KCNN2: variants seen among roughly 807,000 people sequenced by gnomAD.
KCNN2 encodes the protein potassium calcium-activated channel subfamily N member 2.
KCNN2 carries 24 observed loss-of-function variants against 55.5 expected under a neutral mutation model. The observed-to-expected ratio is 0.43, with a 90% CI of 0.31 to 0.61. KCNN2 has a LOEUF of 0.61. Among genes scored for constraint, KCNN2 ranks in the 20% least tolerant of loss-of-function variants. The pLI is 0.08. For missense variants in KCNN2, 754 were observed against 853.6 expected (o/e 0.88, Z 1.45); for synonymous variants, 431 against 336.1 (o/e 1.28, Z -3.09).
chr5:114,258,536 T>A (rs989560051), intron 2 of KCNN2, among the ~76,000 whole-genome samples: 1 of 152,180 alleles, frequency 6.6e-6, no homozygotes, highest in Non-Finnish European at 1.5e-5. Flanking sequence ...GTTGGTTTGC[T>A]CGAGATTTCT....
intron 2 of KCNN2, among the ~76,000 whole-genome samples, chr5:114,356,980 C>T (rs954412821): frequency 1.3e-5 from 2 of 152,046 alleles, no homozygotes; most frequent in South Asian, 4.1e-4. Context: ...TGTCTCATCA[C>T]AACCTCTGCG....
At chr5:114,137,923 A>T (rs1014484616) in intron 1 of KCNN2, among the ~76,000 whole-genome samples, 3 of 152,196 alleles carry the variant, frequency 2.0e-5, no homozygotes, top group Non-Finnish European at 2.9e-5. Context: ...AATAAGTGGT[A>T]TGTGGAAACA....
chr5:114,147,046 C>G (rs1011569992), intron 1 of KCNN2, among the ~76,000 whole-genome samples: 2 of 152,168 alleles, frequency 1.3e-5, no homozygotes, highest in Non-Finnish European at 1.5e-5. Flanking sequence ...TGATCAAAAT[C>G]TTGTAATGCA....
chr5:114,302,248 T>G (rs1205533053), intron 2 of KCNN2, among the ~76,000 whole-genome samples: 3 of 152,232 alleles, frequency 2.0e-5, no homozygotes, highest in African/African-American at 7.2e-5. Context: ...TAATTTATGT[T>G]TCCACCTACA....
chr5:114,187,163 G>C (rs576356759), intron 1 of KCNN2, among the ~76,000 whole-genome samples: 1 of 152,150 alleles, frequency 6.6e-6, no homozygotes, highest in Admixed American at 6.5e-5. Context: ...AGTATTCTAG[G>C]TGAGAGACAG....
intron 2 of KCNN2, among the ~76,000 whole-genome samples, chr5:114,299,138 T>C (rs545445105): frequency 2.0e-5 from 3 of 151,278 alleles, no homozygotes; most frequent in East Asian, 2.0e-4. Flanking sequence ...TTTCTTTCTT[T>C]CTTTGGTTTT....
At chr5:114,473,804 G>C (rs191533370) in intron 5 of KCNN2, among the ~76,000 whole-genome samples, 1 of 152,224 alleles carries the variant, frequency 6.6e-6, no homozygotes, top group African/African-American at 2.4e-5. Context: ...TCATAACAGC[G>C]TTATGAGGGA....
At chr5:114,449,571 T>G (rs371314962) in intron 3 of KCNN2, among the ~76,000 whole-genome samples, 3 of 152,080 alleles carry the variant, frequency 2.0e-5, no homozygotes, top group Admixed American at 2.0e-4. Context: ...GCTCAGACAT[T>G]AGGATGCACT....
At position 114,462,120 on chromosome 5, in the gene KCNN2, A is replaced by G. The variant is rs565137354; in HGVS notation, c.1638-929A>G. Among the ~76,000 whole-genome samples, 3 of 152,230 alleles carry G rather than the reference A, an allele frequency of 2.0e-5. No homozygotes were observed. The South Asian group carries it at 6.2e-4, about 32-fold the overall frequency. On this transcript the variant is annotated intron_variant, in intron 3 of 7. Transcript: ENST00000673685. ...CCACACAGAATGTGCATCTAGAGCA[A>G]ATTCTTCTAGGGTGACAACTCTGAT...
At chr5:114,323,649 A>ATTTTTTTTGTTTTTTTTTTTTTTTT (rs1756656282) in intron 2 of KCNN2, among the ~76,000 whole-genome samples, 1 of 85,316 alleles carries the variant, frequency 1.2e-5, no homozygotes. Context: ...AAACATATCA[A>ATTTTTTTTGTTTTTTTTTTTTTTTT]TTTTTTTTTT....
chr5:114,456,066 A>G (rs1760915245), intron 3 of KCNN2, among the ~76,000 whole-genome samples: 2 of 152,216 alleles, frequency 1.3e-5, no homozygotes, highest in Admixed American at 6.5e-5. Context: ...ACAATAAACA[A>G]TAGATTTTCA....
intron 3 of KCNN2, among the ~76,000 whole-genome samples, chr5:114,413,351 C>A (rs1759193485): frequency 1.4e-5 from 2 of 145,690 alleles, no homozygotes; most frequent in Non-Finnish European, 1.5e-5. Flanking sequence ...GTGGCACAAT[C>A]TTGGCTCACT....
chr5:114,059,742 G>C (rs996934637), intron 1 of KCNN2, among the ~76,000 whole-genome samples: 3 of 152,160 alleles, frequency 2.0e-5, no homozygotes, highest in Non-Finnish European at 4.4e-5. Context: ...GCCAGAAATG[G>C]CAGGGACTAG....
At chr5:114,204,041 C>G (rs1015183446) in intron 1 of KCNN2, among the ~76,000 whole-genome samples, 6 of 152,154 alleles carry the variant, frequency 3.9e-5, no homozygotes, top group African/African-American at 7.2e-5. Context: ...TTTAGAAAGT[C>G]ATTTCCATTT....
chr5:114,481,348 A>G (rs1374141741), intron 5 of KCNN2, among the ~76,000 whole-genome samples: 5 of 152,168 alleles, frequency 3.3e-5, no homozygotes, highest in Non-Finnish European at 5.9e-5. Flanking sequence ...GAAATCAGAA[A>G]GGACACAAAC....
intron 2 of KCNN2, among the ~76,000 whole-genome samples, chr5:114,340,210 G>A (rs1055704721): frequency 3.9e-5 from 6 of 152,004 alleles, no homozygotes; most frequent in Non-Finnish European, 7.4e-5. Context: ...TTTCACCTAC[G>A]AAGAGAGAAA....
chr5:114,118,261 G>A (rs78294170), intron 1 of KCNN2, among the ~76,000 whole-genome samples: 2,525 of 152,174 alleles, frequency 0.017, 56 homozygotes, highest in African/African-American at 0.057. Flanking sequence ...AAAAACCTCA[G>A]TAATATCAAC....
intron 2 of KCNN2, among the ~76,000 whole-genome samples, chr5:114,379,623 CATATT>C (rs1361227494): frequency 2.3e-5 from 2 of 88,748 alleles, no homozygotes; most frequent in Admixed American, 1.3e-4. Flanking sequence ...TATTATATAA[CATATT>C]ATATATTTGT....
intron 2 of KCNN2, among the ~76,000 whole-genome samples, chr5:114,343,027 C>G (rs1757044548): frequency 6.6e-6 from 1 of 152,182 alleles, no homozygotes; most frequent in Non-Finnish European, 1.5e-5. Context: ...AGCTCTTATG[C>G]TGTGTTAAGT....
Sources: allele counts gnomAD v4.1 joint callset (sites outside exome capture counted in the v4.1 genomes callset), GRCh38; gene constraint gnomAD v4.1.1; transcripts MANE v1.5; gene names NCBI Gene and HGNC (gene_info 2026-07-23, HGNC 2026-07-21).